Variants in PAK6 observed in about 807,000 individuals in gnomAD.
PAK6 encodes serine/threonine-protein kinase PAK 6.
In PAK6, 33 loss-of-function variants were observed where a neutral mutation model predicts 60.8. The ratio of observed to expected loss-of-function variants is 0.54; its 90% CI spans 0.41 to 0.73. PAK6 has a LOEUF of 0.73. PAK6 is among the 30% of genes least tolerant of loss of function. The probability of loss-of-function intolerance (pLI) is 0.00; values close to 1 mark genes in which losing one functional copy is unlikely to be tolerated. For synonymous variants in PAK6, 404 were observed against 378.5 expected (o/e 1.07, Z -0.78); for missense variants, 845 against 904.1 (o/e 0.93, Z 0.84).
intron 2 of PAK6, among the ~76,000 whole-genome samples, chr15:40,243,528 T>C (rs1307309714): frequency 6.6e-6 from 1 of 152,160 alleles, no homozygotes; most frequent in African/African-American, 2.4e-5. Context: ...CAGCAAGAGA[T>C]AACTATTATC....
chr15:40,257,466 GACCACGTGGGATACC>G (rs142561189), intron 3 of PAK6, among the ~76,000 whole-genome samples: 5,097 of 152,290 alleles, frequency 0.033, 310 homozygotes, highest in African/African-American at 0.12. Context: ...TCAGGTGGGT[GACCACGTGGGATACC>G]ACCACTTCTG....
chr15:40,271,475 G>A (rs1332705768), intron 5 of PAK6, among the ~76,000 whole-genome samples: 1 of 152,126 alleles, frequency 6.6e-6, no homozygotes, highest in African/African-American at 2.4e-5. Context: ...TCCTTTAGGG[G>A]GTCCTTAAGA....
At chr15:40,270,848 A>C (rs1218153414) in intron 5 of PAK6, among the ~76,000 whole-genome samples, 1 of 152,174 alleles carries the variant, frequency 6.6e-6, no homozygotes, top group East Asian at 1.9e-4. Flanking sequence ...TTCCACCCTA[A>C]GCAGGCCAGG....
At chr15:40,247,756 C>G (rs1271060088) in intron 2 of PAK6, among the ~76,000 whole-genome samples, 3 of 152,200 alleles carry the variant, frequency 2.0e-5, no homozygotes, top group South Asian at 4.1e-4. Context: ...GTGCTACCCC[C>G]TGGCGCTGGG....
At chr15:40,248,716 G>A (rs1045327450) in intron 2 of PAK6, among the ~76,000 whole-genome samples, 5 of 149,912 alleles carry the variant, frequency 3.3e-5, no homozygotes, top group African/African-American at 1.2e-4. Context: ...AAATAGGAAG[G>A]GACGGTCCTC....
exon 11 of PAK6, chr15:40,276,092 T>C (rs1162694575): frequency 6.2e-7 from 1 of 1,613,534 alleles, no homozygotes; most frequent in Admixed American, 1.7e-5. Context: ...CTCCACCTGC[T>C]GAGCCCACCC....
intron 2 of PAK6, among the ~76,000 whole-genome samples, chr15:40,248,638 G>A (rs541536932): frequency 6.6e-6 from 1 of 152,144 alleles, no homozygotes; most frequent in Non-Finnish European, 1.5e-5. Context: ...GTGACAGAGT[G>A]GGGGAACCTG....
In PAK6 at chr15:40,252,376, C is replaced by G. The variant is rs546368665; in HGVS notation, c.-117-802C>G. 471 of 1,319,044 alleles carry G rather than the reference C, an allele frequency of 3.6e-4. 2 individuals are homozygous for G. In the South Asian group the frequency reaches 5.4e-3, roughly 15 times the overall value. 81.7% of individuals were successfully genotyped at this position (1,319,044 alleles called of 1,614,324 possible). A position where few individuals can be genotyped will look rare whatever the true frequency, so the allele number is the denominator to read the frequency against. On this transcript the variant is annotated intron_variant, in intron 2 of 10. Transcript: ENST00000560346. ...CCGCGGCTGTGGCCAGGCCAGGGCC[C>G]GGAGGCGAAGGGCGGGCGGGAACTG...
intron 5 of PAK6, among the ~76,000 whole-genome samples, chr15:40,268,916 G>A (rs1046966087): frequency 2.6e-5 from 4 of 152,234 alleles, no homozygotes; most frequent in African/African-American, 4.8e-5. Flanking sequence ...CGTCCTGCGG[G>A]TTCCAGTGCC....
intron 5 of PAK6, among the ~76,000 whole-genome samples, chr15:40,267,740 A>G (rs2039186198): frequency 2.0e-5 from 3 of 152,270 alleles, no homozygotes; most frequent in South Asian, 2.1e-4. Flanking sequence ...TGGGATCCCC[A>G]TGGGTTGTGG....
rs1348659878 is a variant in PAK6 at position 40,264,715 on chromosome 15, C to T, written c.-5-66C>T. 2.8e-6 allele frequency: 4 copies of T among 1,416,326 alleles called. No homozygotes were observed. The African/African-American group carries it at 4.2e-5, about 15-fold the overall frequency. 87.7% of individuals were successfully genotyped at this position (1,416,326 alleles called of 1,614,324 possible). A position where few individuals can be genotyped will look rare whatever the true frequency, so the allele number is the denominator to read the frequency against. On this transcript the variant is annotated intron_variant, in intron 3 of 10. Coordinates refer to ENST00000560346, the Ensembl canonical transcript of PAK6. Reference sequence around the variant, plus strand: ...AGGGGAGGGAGCCCTGAACCTGGTGCCCCAGGCCCTGCTGCAGCCACCCCT... The same window carrying T: ...AGGGGAGGGAGCCCTGAACCTGGTGTCCCAGGCCCTGCTGCAGCCACCCCT...
chr15:40,265,945 G>T (rs752441056), exon 5 of PAK6: 16 of 1,605,982 alleles, frequency 1.0e-5, no homozygotes, highest in Non-Finnish European at 1.4e-5. Context: ...CTGCGTGGCC[G>T]CAGCCCCACC....
chr15:40,253,228 G>T (rs1204025660), exon 3 of PAK6: 3 of 456,092 alleles, frequency 6.6e-6, no homozygotes, highest in Non-Finnish European at 1.3e-5. Flanking sequence ...TCTCCTCAGC[G>T]CCTAAGAGAG....
At chr15:40,241,742 C>G (rs891641567) in intron 2 of PAK6, among the ~76,000 whole-genome samples, 1 of 152,172 alleles carries the variant, frequency 6.6e-6, no homozygotes, top group African/African-American at 2.4e-5. Context: ...CCCTCCCGGA[C>G]TTGCCAGACA....
chr15:40,241,748 A>G (rs1371185889), intron 2 of PAK6, among the ~76,000 whole-genome samples: 1 of 152,168 alleles, frequency 6.6e-6, no homozygotes. Flanking sequence ...CGGACTTGCC[A>G]GACACAGGGA....
chr15:40,247,065 C>T (rs1047464951), intron 2 of PAK6: 2 of 152,414 alleles, frequency 1.3e-5, no homozygotes, highest in Admixed American at 1.3e-4. Flanking sequence ...CAGGCCTCCA[C>T]TCCCCCACAC....
At chr15:40,268,465 A>G (rs2039208690) in intron 5 of PAK6, among the ~76,000 whole-genome samples, 1 of 152,168 alleles carries the variant, frequency 6.6e-6, no homozygotes, top group Non-Finnish European at 1.5e-5. Context: ...CAAATTCAAT[A>G]ACAGATGGGG....
chr15:40,252,654 C>T (rs749888649), intron 2 of PAK6: 9 of 1,322,698 alleles, frequency 6.8e-6, no homozygotes, highest in Non-Finnish European at 8.0e-6. Flanking sequence ...CCGGCTCCCA[C>T]GACCTCTTCG....
At chr15:40,263,480 C>A (rs971222088) in intron 3 of PAK6, among the ~76,000 whole-genome samples, 2 of 152,100 alleles carry the variant, frequency 1.3e-5, no homozygotes, top group African/African-American at 4.8e-5. Flanking sequence ...CCCAGGCCCC[C>A]AGTTCCCCAC....
Sources: gnomAD v4.1 joint callset for allele counts (sites outside exome capture counted in the v4.1 genomes callset) on GRCh38, gnomAD v4.1.1 for gene constraint, MANE v1.5 for transcripts, NCBI Gene and HGNC (gene_info 2026-07-23, HGNC 2026-07-21) for gene names.